CPNE7: variants seen among roughly 807,000 people sequenced by gnomAD.
CPNE7 encodes the protein copine 7.
In CPNE7, 78 loss-of-function variants were observed where a neutral mutation model predicts 66.5. That is an observed-to-expected ratio of 1.17 (90% CI 0.98 to 1.42). The LOEUF (loss-of-function observed/expected upper bound fraction) is 1.42. CPNE7 is among the 40% of genes most tolerant of loss of function. CPNE7 has a pLI of 0.00. For synonymous variants in CPNE7, 468 were observed against 336.7 expected (o/e 1.39, Z -4.27); for missense variants, 1,012 against 776.6 (o/e 1.30, Z -3.60).
chr16:89,577,611 T>G lies in CPNE7; in HGVS notation c.247T>G (p.Phe83Val). 1 of 1,563,616 alleles carries G rather than the reference T, an allele frequency of 6.4e-7. No homozygotes were observed. Among genetic ancestry groups the G allele is most frequent in the Non-Finnish European group, 8.7e-7 (1 of 1,153,454 alleles). ...FSKVFTVDYY[F>V]EEVQRLRFEV... ...CAAGGTCTTCACGGTGGACTACTAC[T>G]TCGAGGAGGTGCAGAGGCTGCGCTT... Residue 83 changes from phenylalanine to valine, a missense_variant, in exon 2 of 15, where the codon TTC becomes GTC. Transcript: ENST00000319518.
In CPNE7 at chr16:89,575,954, C is replaced by T. The variant is rs1189515529; in HGVS notation, c.57C>T (p.Pro19=). ...CAACCCCCGGGGGTTTGCCCGCGCC[C>T]TGCGCCTCGAAGGTGGAGCTGCGGC... ...AAATPGGLPA[P]CASKVELRLS... The change falls in exon 1 of 15, where the codon CCC becomes CCT. Residue 19 remains proline (P), a synonymous_variant. Transcript: ENST00000319518. 5.9e-6 allele frequency: 8 copies of T among 1,348,458 alleles called. No individual in the cohort carries two copies. The highest frequency in any genetic ancestry group is 7.6e-6 in the Non-Finnish European group (8 of 1,049,172). 83.5% of individuals were successfully genotyped at this position (1,348,458 alleles called of 1,614,324 possible).
rs1474369584 is a variant in CPNE7 at position 89,596,538 on chromosome 16, G to A, written c.1594G>A (p.Val532Met). ...GCTGGCCGAGGTCCCGAAGCAGGTG[G>A]TGGAGTACTACAGCCACAGAGGCCT... The part of the protein sequence containing the change: ...CVLAEVPKQV[V>M]EYYSHRGLPP... Residue 532 changes from valine to methionine, a missense_variant, in exon 15 of 15, where the codon GTG becomes ATG. Coordinates refer to ENST00000319518, the MANE Select transcript of CPNE7 (RefSeq NM_153636.3). 1.9e-6 allele frequency: 3 copies of A among 1,610,092 alleles called. No individual in the cohort carries two copies. Among genetic ancestry groups the A allele is most frequent in the South Asian group, 2.2e-5 (2 of 91,068 alleles).
chr16:89,583,481 G>A lies in CPNE7; in HGVS notation c.358-216G>A, dbSNP rs150595837. ...CTGCCTCCCCTGGGCGACTGCTGGC[G>A]CCGTGAGGTGGTGGACGTGCAGGGG... On this transcript the variant is annotated intron_variant, in intron 2 of 14. Coordinates refer to ENST00000319518, the MANE Select transcript of CPNE7 (RefSeq NM_153636.3). 348 of 1,552,506 alleles carry A rather than the reference G, an allele frequency of 2.2e-4. No homozygotes were observed. The highest frequency in any genetic ancestry group is 4.9e-4 in the Admixed American group (25 of 51,092).
chr16:89,584,999 A>AT lies in CPNE7; in HGVS notation c.591+143dup. On this transcript the variant is annotated intron_variant, in intron 5 of 14. Transcript: ENST00000319518. The surrounding 1 kb of genome is among the most constrained non-coding windows in gnomAD (Gnocchi z 6.0). ...TTTGGTGGCTGTGGCTATGGCCAGA[A>AT]TCCAACAGGGAGCCGCAGGCGCAGG... 1.3e-6 allele frequency: 1 copy of AT among 756,698 alleles called. No homozygotes were observed. The highest frequency in any genetic ancestry group is 2.4e-5 in the Admixed American group (1 of 41,466). 46.9% of individuals were successfully genotyped at this position (756,698 alleles called of 1,614,324 possible).
chr16:89,595,350 C>T lies in CPNE7; in HGVS notation c.1303-17C>T. On this transcript the variant is annotated splice_polypyrimidine_tract_variant and intron_variant, in intron 13 of 14. Transcript: ENST00000319518. ...ATGGCAGGTGTGGTGTTGCTGATGC[C>T]TTTCCTGTGCCCCCAGCAATACTAC... 3 of 1,549,996 alleles carry T rather than the reference C, an allele frequency of 1.9e-6. No homozygotes were observed. Among genetic ancestry groups the T allele is most frequent in the Non-Finnish European group, 1.8e-6 (2 of 1,142,006 alleles).
intron 13 of CPNE7, among the ~76,000 whole-genome samples, chr16:89,593,511 C>T (rs999047498): frequency 6.6e-5 from 10 of 150,992 alleles, no homozygotes; most frequent in African/African-American, 2.4e-4. Context: ...CGCCACCACG[C>T]CCGGCTAATT....
intron 13 of CPNE7, among the ~76,000 whole-genome samples, chr16:89,594,840 T>C: frequency 6.6e-6 from 1 of 151,640 alleles, no homozygotes; most frequent in Non-Finnish European, 1.5e-5. Flanking sequence ...TTAGTAGAGA[T>C]GGGGTTTCAC....
chr16:89,592,225 A>G (rs1218013268), intron 13 of CPNE7, among the ~76,000 whole-genome samples: 1 of 148,086 alleles, frequency 6.8e-6, no homozygotes, highest in Admixed American at 6.8e-5. Context: ...CGTGTTAGCG[A>G]GGATGGTCTC....
At chr16:89,578,864 A>C (rs1597691702) in intron 2 of CPNE7, 1 of 1,611,508 alleles carries the variant, frequency 6.2e-7, no homozygotes, top group South Asian at 1.1e-5. Flanking sequence ...CAGCCAGCCC[A>C]AAAGTGGCTT....
In CPNE7 at chr16:89,596,840, T is replaced by C; in HGVS notation, c.*219T>C. ...AAATACAGGCCCCCATGCCTGGCCC[T>C]GCCTGAGCCAGGTGGGTGGAGGGAG... On this transcript the variant is annotated 3_prime_UTR_variant, in exon 15 of 15. Coordinates refer to ENST00000319518, the MANE Select transcript of CPNE7 (RefSeq NM_153636.3). 1 of 488,544 alleles carries C rather than the reference T, an allele frequency of 2.0e-6. No individual in the cohort carries two copies. Among genetic ancestry groups the C allele is most frequent in the South Asian group, 4.8e-5 (1 of 21,022 alleles). 30.3% of individuals were successfully genotyped at this position (488,544 alleles called of 1,614,324 possible).
In CPNE7 at chr16:89,583,909, C is replaced by T. The variant is rs546278189; in HGVS notation, c.433-119C>T. 43 of 1,445,768 alleles carry T rather than the reference C, an allele frequency of 3.0e-5. 1 individual carries two copies. In the African/African-American group the frequency reaches 5.4e-4, roughly 18 times the overall value. 89.6% of individuals were successfully genotyped at this position (1,445,768 alleles called of 1,614,324 possible). On this transcript the variant is annotated intron_variant, in intron 3 of 14. Coordinates refer to ENST00000319518, the MANE Select transcript of CPNE7 (RefSeq NM_153636.3). ...CGGCAGCTACACAGCCCCGGGGGTACACAGACACCTCCTCTCAGGCCCCGC... is the reference window on the plus strand; with the variant it reads ...CGGCAGCTACACAGCCCCGGGGGTATACAGACACCTCCTCTCAGGCCCCGC...
chr16:89,585,138 C>A (rs1010081259), intron 5 of CPNE7, among the ~76,000 whole-genome samples: 1 of 152,200 alleles, frequency 6.6e-6, no homozygotes, highest in Non-Finnish European at 1.5e-5. Context: ...TCAGCGACGG[C>A]AGGGAGAGAG....
At chr16:89,591,464 C>T (rs996757152) in intron 13 of CPNE7, among the ~76,000 whole-genome samples, 1 of 152,202 alleles carries the variant, frequency 6.6e-6, no homozygotes, top group Non-Finnish European at 1.5e-5. Context: ...GGCTGTCCAT[C>T]GCCTCACACG....
rs1010301994 is a variant in CPNE7 at position 89,584,217 on chromosome 16, C to T, written c.507+115C>T. On this transcript the variant is annotated intron_variant, in intron 4 of 14. Coordinates refer to ENST00000319518, the MANE Select transcript of CPNE7 (RefSeq NM_153636.3). This position sits in a 1 kb window ranked among gnomAD's most constrained non-coding sequence, Gnocchi z 6.0. ...GGCTATGTCCCGTGTGAGACGTGTG[C>T]GGAGTGTGCCTGGGGCTGGGCGTGC... is the stretch of plus-strand genomic sequence containing the variant. 2.4e-5 allele frequency: 25 copies of T among 1,046,030 alleles called. No homozygotes were observed. The highest frequency in any genetic ancestry group is 1.8e-4 in the East Asian group (7 of 39,634). The allele number at this position is 1,046,030 out of a possible 1,614,324, so 64.8% of individuals were successfully genotyped here. A position where few individuals can be genotyped will look rare whatever the true frequency, so the allele number is the denominator to read the frequency against.
Position 89,584,192 on chromosome 16 carries a change from G to A in CPNE7, c.507+90G>A. On this transcript the variant is annotated intron_variant, in intron 4 of 14. Transcript: ENST00000319518. This position sits in a 1 kb window ranked among gnomAD's most constrained non-coding sequence, Gnocchi z 6.0. ...TCCCTGCCCAGCGCTGACCTCGCGT[G>A]GCTATGTCCCGTGTGAGACGTGTGC... 1.5e-6 allele frequency: 2 copies of A among 1,340,416 alleles called. No individual in the cohort carries two copies. 83.0% of individuals were successfully genotyped at this position (1,340,416 alleles called of 1,614,324 possible).
intron 13 of CPNE7, among the ~76,000 whole-genome samples, chr16:89,592,175 ATTTTTT>A (rs372508407): frequency 7.2e-6 from 1 of 138,198 alleles, no homozygotes; most frequent in South Asian, 2.3e-4. Flanking sequence ...TGCCCGGCTA[ATTTTTT>A]TTTTTTGTAT....
rs575322387 is a variant in CPNE7 at position 89,589,344 on chromosome 16, G to T, written c.1061+536G>T. Among the ~76,000 whole-genome samples the T allele has an allele frequency of 4.3e-4, 66 of 152,294 alleles. 1 individual carries two copies. Among genetic ancestry groups the T allele is most frequent in the Middle Eastern group, 3.4e-3 (1 of 294 alleles). Reference sequence around the variant, plus strand: ...CTGGGTAGCCCTACTGGAGGCTGCCGCATAGACTCTGCACATGGTCCTGGG... The same window carrying T: ...CTGGGTAGCCCTACTGGAGGCTGCCTCATAGACTCTGCACATGGTCCTGGG... On this transcript the variant is annotated intron_variant, in intron 10 of 14. Transcript: ENST00000319518.
In CPNE7 at chr16:89,578,675, G is replaced by A. The variant is rs145683595; in HGVS notation, c.357+954G>A. Among the ~76,000 whole-genome samples, 23 of 149,894 alleles carry A rather than the reference G, an allele frequency of 1.5e-4. No homozygotes were observed. In the East Asian group the frequency reaches 3.6e-3, roughly 24 times the overall value. Reference sequence around the variant, plus strand: ...CTCTGGAGGCTGAGGCAGGAGAATCGGTTGAACCCGGGAGGCAGAGGTTGC... The same window carrying A: ...CTCTGGAGGCTGAGGCAGGAGAATCAGTTGAACCCGGGAGGCAGAGGTTGC... On this transcript the variant is annotated intron_variant, in intron 2 of 14. Coordinates refer to ENST00000319518, the MANE Select transcript of CPNE7 (RefSeq NM_153636.3).
Position 89,584,082 on chromosome 16 carries a change from G to T in CPNE7, c.487G>T (p.Ala163Ser), listed in dbSNP as rs2058998022. Residue 163 changes from alanine (A) to serine (S), a missense_variant, in exon 4 of 15, where the codon GCC (alanine) becomes TCC (serine). By Grantham distance (99) the Ala-to-Ser change is moderately conservative. Coordinates refer to ENST00000319518, the MANE Select transcript of CPNE7 (RefSeq NM_153636.3). The surrounding 1 kb of genome is among the most constrained non-coding windows in gnomAD (Gnocchi z 6.0). ...NNGYVELSFR[A>S]RKLDDKDLFS... The stretch of plus-strand genomic sequence containing the variant: ...CGGCTACGTGGAGCTCTCCTTCCGG[G>T]CCAGGAAGCTGGACGACAAGGTGAG... 1.2e-6 allele frequency: 2 copies of T among 1,611,646 alleles called. No individual in the cohort carries two copies. Among genetic ancestry groups the T allele is most frequent in the South Asian group, 2.2e-5 (2 of 91,020 alleles).
Sources: allele counts gnomAD v4.1 joint callset (sites outside exome capture counted in the v4.1 genomes callset), GRCh38; gene constraint gnomAD v4.1.1; non-coding constraint Gnocchi (gnomAD v3.1); transcripts MANE v1.5; gene names NCBI Gene and HGNC (gene_info 2026-07-23, HGNC 2026-07-21).